GPHN: variants seen among roughly 807,000 people sequenced by gnomAD.
The protein encoded by GPHN is gephyrin.
GPHN carries 17 observed loss-of-function variants against 95.5 expected under a neutral mutation model. The observed-to-expected ratio is 0.18, with a 90% CI of 0.12 to 0.27. The LOEUF is 0.27. Among genes scored for constraint, GPHN ranks in the 10% least tolerant of loss-of-function variants. The probability of loss-of-function intolerance (pLI) is 1.00; values close to 1 mark genes in which losing one functional copy is unlikely to be tolerated. For missense variants in GPHN, 660 were observed against 978.1 expected (o/e 0.67, Z 4.34); for synonymous variants, 320 against 322.5 (o/e 0.99, Z 0.08).
At chr14:67,413,830 G>A in the GPHN span, among the ~76,000 whole-genome samples, 5 of 152,176 alleles carry the variant, frequency 3.3e-5, no homozygotes, top group African/African-American at 4.8e-5. Flanking sequence ...AGCCAGGCCT[G>A]TAGTAGTAGG....
At chr14:67,391,600 T>C in the GPHN span, among the ~76,000 whole-genome samples, 1 of 152,316 alleles carries the variant, frequency 6.6e-6, no homozygotes, top group Non-Finnish European at 1.5e-5. Context: ...CCGAGCCGTG[T>C]AGGTGCCCTC....
intron 1 of GPHN, among the ~76,000 whole-genome samples, chr14:66,514,500 C>T (rs2058164029): frequency 6.6e-6 from 1 of 151,990 alleles, no homozygotes; most frequent in African/African-American, 2.4e-5. Context: ...CTTCAAGGCT[C>T]TCATGGCAGT....
intron 12 of GPHN, among the ~76,000 whole-genome samples, chr14:67,095,697 C>T (rs1444088064): frequency 2.0e-5 from 3 of 151,910 alleles, no homozygotes; most frequent in African/African-American, 7.3e-5. Flanking sequence ...CCAAACACCG[C>T]ATGTTCTCAC....
At chr14:66,785,066 TA>T (rs113416127) in intron 3 of GPHN, among the ~76,000 whole-genome samples, 20 of 149,410 alleles carry the variant, frequency 1.3e-4, no homozygotes, top group Middle Eastern at 3.4e-3. Context: ...ACACAAATTT[TA>T]AAAAAAAAAG....
At chr14:66,561,343 A>G (rs2140278653) in intron 1 of GPHN, among the ~76,000 whole-genome samples, 1 of 152,316 alleles carries the variant, frequency 6.6e-6, no homozygotes, top group South Asian at 2.1e-4. Context: ...TACCTCTGGT[A>G]GAATTCGGCT....
At chr14:66,680,358 T>C (rs2066868570) in intron 1 of GPHN, among the ~76,000 whole-genome samples, 1 of 152,232 alleles carries the variant, frequency 6.6e-6, no homozygotes, top group Admixed American at 6.5e-5. Flanking sequence ...GTAGGCTACA[T>C]CTGTTCTAGT....
intron 9 of GPHN, among the ~76,000 whole-genome samples, chr14:66,977,584 G>A (rs1429998955): frequency 6.6e-6 from 1 of 151,912 alleles, no homozygotes; most frequent in Non-Finnish European, 1.5e-5. Flanking sequence ...AATGTGTATG[G>A]AAAATAACTT....
chr14:66,664,549 A>G (rs1002470348), intron 1 of GPHN, among the ~76,000 whole-genome samples: 1 of 152,188 alleles, frequency 6.6e-6, no homozygotes, highest in Non-Finnish European at 1.5e-5. Context: ...TCAAGTTAAC[A>G]ACCTAATGTC....
At chr14:67,665,841 A>G in the GPHN span, among the ~76,000 whole-genome samples, 5 of 151,990 alleles carry the variant, frequency 3.3e-5, no homozygotes, top group Admixed American at 3.3e-4. Flanking sequence ...CACAAAACCC[A>G]TGGCTGTTTG....
At chr14:67,309,601 A>C in the GPHN span, among the ~76,000 whole-genome samples, 2 of 152,188 alleles carry the variant, frequency 1.3e-5, no homozygotes, top group Non-Finnish European at 2.9e-5. Context: ...CATAGGCAAG[A>C]GTACATGGAA....
the GPHN span, among the ~76,000 whole-genome samples, chr14:67,554,647 G>A: frequency 6.6e-6 from 1 of 152,202 alleles, no homozygotes; most frequent in Admixed American, 6.5e-5. Flanking sequence ...ACACGGTGGT[G>A]CCCTGGCAGG....
the GPHN span, among the ~76,000 whole-genome samples, chr14:67,193,412 T>G: frequency 3.5e-5 from 5 of 141,854 alleles, no homozygotes; most frequent in Admixed American, 1.4e-4. Context: ...TATATATCTA[T>G]ATATCTATAT....
intron 2 of GPHN, among the ~76,000 whole-genome samples, chr14:66,761,186 T>G (rs1403406745): frequency 6.6e-6 from 1 of 152,230 alleles, no homozygotes; most frequent in Non-Finnish European, 1.5e-5. Context: ...GATATTAGAT[T>G]GCATCTCAGT....
the GPHN span, among the ~76,000 whole-genome samples, chr14:67,590,506 G>T: frequency 6.6e-6 from 1 of 152,006 alleles, no homozygotes; most frequent in East Asian, 1.9e-4. Flanking sequence ...CTACAGGCAC[G>T]AACCACCATG....
chr14:67,693,748 C>A, the GPHN span, among the ~76,000 whole-genome samples: 3 of 151,336 alleles, frequency 2.0e-5, no homozygotes, highest in Non-Finnish European at 2.9e-5. Flanking sequence ...TCCACTGCAA[C>A]CCCCATCTCC....
the GPHN span, among the ~76,000 whole-genome samples, chr14:67,528,407 C>T: frequency 6.6e-6 from 1 of 152,180 alleles, no homozygotes; most frequent in Non-Finnish European, 1.5e-5. Context: ...ACACAGGCTC[C>T]CTGGGCTGTT....
intron 2 of GPHN, among the ~76,000 whole-genome samples, chr14:66,710,250 A>G (rs139504509): frequency 5.3e-5 from 8 of 152,338 alleles, no homozygotes; most frequent in Admixed American, 4.6e-4. Flanking sequence ...AAATACAAAT[A>G]TATGCCAAAT....
At chr14:67,102,164 G>T (rs918027857) in intron 13 of GPHN, among the ~76,000 whole-genome samples, 22 of 151,848 alleles carry the variant, frequency 1.4e-4, no homozygotes, top group African/African-American at 5.3e-4. Context: ...GAGCCACCGC[G>T]CCCGGCCTGG....
intron 11 of GPHN, among the ~76,000 whole-genome samples, chr14:67,062,600 G>A (rs1227901169): frequency 1.0e-4 from 6 of 58,260 alleles, no homozygotes; most frequent in Admixed American, 2.3e-4. Flanking sequence ...GGAACTCTAT[G>A]AAGGAATTTC....
Sources: allele counts gnomAD v4.1 joint callset (sites outside exome capture counted in the v4.1 genomes callset), GRCh38; gene constraint gnomAD v4.1.1; transcripts MANE v1.5; gene names NCBI Gene and HGNC (gene_info 2026-07-23, HGNC 2026-07-21).